CCDC25: variants seen among roughly 807,000 people sequenced by gnomAD.
CCDC25 encodes coiled-coil domain containing 25, also known as coiled-coil domain-containing protein 25.
A neutral mutation model predicts 35.3 loss-of-function variants in CCDC25; 16 were observed. That is an observed-to-expected ratio of 0.45 (90% CI 0.31 to 0.69). The LOEUF (loss-of-function observed/expected upper bound fraction) is 0.69, where lower values mean the gene tolerates loss of function less well. Among genes scored for constraint, CCDC25 ranks in the 30% least tolerant of loss-of-function variants. CCDC25 has a pLI of 0.06. For missense variants in CCDC25, 179 were observed against 250.7 expected (o/e 0.71, Z 1.93); for synonymous variants, 79 against 80.3 (o/e 0.98, Z 0.09).
intron 7 of CCDC25, among the ~76,000 whole-genome samples, chr8:27,742,242 G>A (rs545336860): frequency 1.3e-5 from 2 of 152,226 alleles, no homozygotes; most frequent in African/African-American, 4.8e-5. Context: ...AAGATAATGA[G>A]TTGGGAGACA....
intron 7 of CCDC25, among the ~76,000 whole-genome samples, chr8:27,747,390 C>T (rs1803641382): frequency 6.6e-6 from 1 of 152,194 alleles, no homozygotes; most frequent in Non-Finnish European, 1.5e-5. Context: ...AGGGAAGATT[C>T]TCCCCTAGTG....
At chr8:27,756,887 A>T in intron 3 of CCDC25, 117 bp from the exon 4 acceptor site, 2 of 727,932 alleles carry the variant, frequency 2.7e-6, no homozygotes, top group South Asian at 3.2e-5. Context: ...GCCACATGTG[A>T]AGCATCATGA....
At chr8:27,755,551 G>A (rs1178823122) in intron 4 of CCDC25, among the ~76,000 whole-genome samples, 1 of 152,228 alleles carries the variant, frequency 6.6e-6, no homozygotes, top group Non-Finnish European at 1.5e-5. Flanking sequence ...TTCCTTGAGT[G>A]TGGGCTGGAC....
At chr8:27,757,455 T>C (rs1804050676) in intron 3 of CCDC25, among the ~76,000 whole-genome samples, 1 of 152,140 alleles carries the variant, frequency 6.6e-6, no homozygotes, top group Non-Finnish European at 1.5e-5. Context: ...GTGATACCAA[T>C]ATATGTCTCT....
Position 27,762,475 on chromosome 8 carries a change from G to T in CCDC25, c.77-17C>A. ...GATCTTCATCTGCAATGAGATATGA[G>T]AAACGAAAGAAACAAAAACTGTCAA... On this transcript the variant is annotated splice_polypyrimidine_tract_variant and intron_variant, in intron 2 of 8. Coordinates refer to ENST00000356537, the MANE Select transcript of CCDC25 (RefSeq NM_018246.3). 6.2e-7 allele frequency: 1 copy of T among 1,609,882 alleles called. No individual in the cohort carries two copies. The highest frequency in any genetic ancestry group is 8.5e-7 in the Non-Finnish European group (1 of 1,178,152).
Position 27,748,072 on chromosome 8 carries a change from C to A in CCDC25, c.551+5G>T. On this transcript the variant is annotated splice_donor_5th_base_variant and intron_variant, in intron 7 of 8. Coordinates refer to ENST00000356537, the MANE Select transcript of CCDC25 (RefSeq NM_018246.3). ...GTCAGTCTCAATGCCACAGCTCCGACATACCTAAGTTCATCCATTTCCCTC... is the reference window on the plus strand; with the variant it reads ...GTCAGTCTCAATGCCACAGCTCCGAAATACCTAAGTTCATCCATTTCCCTC... 1 of 1,611,242 alleles carries A rather than the reference C, an allele frequency of 6.2e-7. No individual in the cohort carries two copies. Among genetic ancestry groups the A allele is most frequent in the Non-Finnish European group, 8.5e-7 (1 of 1,179,430 alleles).
At chr8:27,758,417 G>T (rs1804093076) in intron 3 of CCDC25, among the ~76,000 whole-genome samples, 1 of 152,128 alleles carries the variant, frequency 6.6e-6, no homozygotes, top group Admixed American at 6.5e-5. Flanking sequence ...GATGACTCGA[G>T]GTTTTACTCT....
rs1803220633 is a variant in CCDC25 at position 27,736,259 on chromosome 8, A to G, written c.598-14T>C. The G allele has an allele frequency of 1.3e-6, 2 of 1,589,838 alleles. No individual in the cohort carries two copies. The highest frequency in any genetic ancestry group is 4.5e-5 in the East Asian group (2 of 44,614). The stretch of plus-strand genomic sequence containing the variant: ...ATCATTGCCATCCTGTAGGAAACAC[A>G]AAAATGAGAACATAAAAGCCTTGAA... On this transcript the variant is annotated splice_polypyrimidine_tract_variant and intron_variant, in intron 8 of 8. Transcript: ENST00000356537.
At position 27,745,179 on chromosome 8, in the gene CCDC25, T is replaced by C. The variant is rs998808005; in HGVS notation, c.551+2898A>G. Among the ~76,000 whole-genome samples the C allele has an allele frequency of 3.3e-5, 5 of 152,184 alleles. No homozygotes were observed. The South Asian group carries it at 1.0e-3, about 32-fold the overall frequency. On this transcript the variant is annotated intron_variant, in intron 7 of 8. Transcript: ENST00000356537. The stretch of plus-strand genomic sequence containing the variant: ...GCCTGGCTAGTTATTTGATTTTTTG[T>C]AGAGACAGTCCTAATTTTGTTGCCC...
chr8:27,752,048 G>C (rs1040200501), intron 5 of CCDC25, among the ~76,000 whole-genome samples: 1 of 152,206 alleles, frequency 6.6e-6, no homozygotes, highest in Non-Finnish European at 1.5e-5. Flanking sequence ...AAGTATGTAA[G>C]AGGAGGAGGG....
At chr8:27,766,879 A>G (rs1444184349) in intron 1 of CCDC25, among the ~76,000 whole-genome samples, 1 of 152,208 alleles carries the variant, frequency 6.6e-6, no homozygotes, top group East Asian at 1.9e-4. Context: ...TTGTGTATCT[A>G]TATGATTCAA....
chr8:27,767,459 T>C (rs768556897), intron 1 of CCDC25, among the ~76,000 whole-genome samples: 7 of 152,208 alleles, frequency 4.6e-5, no homozygotes, highest in African/African-American at 9.6e-5. Flanking sequence ...AGAGGAATGT[T>C]TTGATGGTTG....
chr8:27,748,667 G>T, intron 5 of CCDC25, 69 bp from the exon 6 acceptor site: 1 of 1,127,196 alleles, frequency 8.9e-7, no homozygotes, highest in Non-Finnish European at 1.3e-6. Context: ...TTACCCACTG[G>T]CAAACTGCCA....
intron 1 of CCDC25, among the ~76,000 whole-genome samples, 174 bp downstream of exon 1, chr8:27,772,338 GA>G (rs1804656498): frequency 6.6e-6 from 1 of 152,240 alleles, no homozygotes; most frequent in African/African-American, 2.4e-5. Context: ...GACGCCGGGG[GA>G]AATCCTGCAG....
intron 1 of CCDC25, among the ~76,000 whole-genome samples, chr8:27,771,682 ACC>A (rs1397095664): frequency 5.9e-5 from 9 of 152,170 alleles, no homozygotes; most frequent in Non-Finnish European, 1.0e-4. Context: ...ACCATTTAAT[ACC>A]ACGTGATAAG....
chr8:27,748,249 T>C lies in CCDC25; in HGVS notation c.379A>G (p.Asn127Asp), dbSNP rs1803673317. ...TTTTCTAATCGGTTCAGGATCTCAT[T>C]TACTTTCTTCTCCACTGTCACAATT... ...VKIVTVEKKV[N>D]EILNRLEKTK... is the part of the protein sequence containing the mutation. The change falls in exon 7 of 9, where the codon AAT (asparagine) becomes GAT (aspartate). Residue 127 changes from asparagine (N) to aspartate (D), a missense_variant. By Grantham distance (23) the Asn-to-Asp change is conservative (BLOSUM62 1). Transcript: ENST00000356537. 6.2e-7 allele frequency: 1 copy of C among 1,613,930 alleles called. No homozygotes were observed. The highest frequency in any genetic ancestry group is 8.5e-7 in the Non-Finnish European group (1 of 1,179,974).
rs1052350579 is a variant in CCDC25 at position 27,734,173 on chromosome 8, T to C, written c.*2043A>G. On this transcript the variant is annotated 3_prime_UTR_variant, in exon 9 of 9. Coordinates refer to ENST00000356537, the MANE Select transcript of CCDC25 (RefSeq NM_018246.3). ...AATATTTGTTCTAGCCCAACCACGG[T>C]GACAAAGCTCCCTTGCCCAAAGATC... The C allele has an allele frequency of 2.0e-5, 3 of 152,214 alleles. No homozygotes were observed. Among genetic ancestry groups the C allele is most frequent in the African/African-American group, 7.2e-5 (3 of 41,452 alleles). The allele number at this position is 152,214 out of a possible 1,614,324, so 9.4% of individuals were successfully genotyped here.
chr8:27,752,296 G>T (rs942465891), intron 5 of CCDC25, among the ~76,000 whole-genome samples: 27 of 152,172 alleles, frequency 1.8e-4, no homozygotes, highest in Non-Finnish European at 2.9e-4. Context: ...GACTTAGACA[G>T]GACGGTCAAA....
intron 7 of CCDC25, among the ~76,000 whole-genome samples, chr8:27,745,746 G>A (rs1383076849): frequency 6.6e-6 from 1 of 152,240 alleles, no homozygotes; most frequent in Non-Finnish European, 1.5e-5. Flanking sequence ...CGGCACTGCA[G>A]CCCTGTGCCA....
Sources: allele counts gnomAD v4.1 joint callset (sites outside exome capture counted in the v4.1 genomes callset), GRCh38; gene constraint gnomAD v4.1.1; transcripts MANE v1.5; gene names NCBI Gene and HGNC (gene_info 2026-07-23, HGNC 2026-07-21).